FOXN3: variants seen among roughly 807,000 people sequenced by gnomAD.
FOXN3 encodes forkhead box N3.
A neutral mutation model predicts 38.4 loss-of-function variants in FOXN3; 7 were observed. That is an observed-to-expected ratio of 0.18 (90% CI 0.10 to 0.34). The LOEUF (loss-of-function observed/expected upper bound fraction) is 0.34, where lower values mean the gene tolerates loss of function less well. FOXN3 is among the 10% of genes least tolerant of loss of function. FOXN3 has a pLI of 1.00. For synonymous variants in FOXN3, 230 were observed against 242.2 expected, an observed-to-expected ratio of 0.95 and a Z score of 0.47; for missense variants, 456 against 613.4, an observed-to-expected ratio of 0.74 and a Z score of 2.71.
At chr14:89,465,685 T>C (rs938171988) in intron 1 of FOXN3, among the ~76,000 whole-genome samples, 1 of 152,240 alleles carries the variant, frequency 6.6e-6, no homozygotes, top group African/African-American at 2.4e-5. Context: ...TGTGATCTAA[T>C]ACCTCCAACT....
Position 89,512,609 on chromosome 14 carries a change from G to A in FOXN3, c.-14-100119C>T, listed in dbSNP as rs141361950. 2.2e-3 allele frequency among the ~76,000 whole-genome samples: 342 copies of A among 152,360 alleles called. 3 individuals carry two copies. Among genetic ancestry groups the A allele is most frequent in the African/African-American group, 7.9e-3 (330 of 41,590 alleles). On this transcript the variant is annotated intron_variant, in intron 1 of 6. Coordinates refer to the FOXN3 transcript ENST00000345097. ...AAGAATGTTCTCCTCTTCCCGGTAC[G>A]GGGAGGCCATCTTTCTCATGGAGAA...
At chr14:89,365,743 T>C (rs1476396092) in intron 2 of FOXN3, among the ~76,000 whole-genome samples, 1 of 152,204 alleles carries the variant, frequency 6.6e-6, no homozygotes, top group Non-Finnish European at 1.5e-5. Flanking sequence ...AAGCGGATCG[T>C]TTTATATACT....
chr14:89,282,038 C>G (rs944590629), intron 3 of FOXN3, among the ~76,000 whole-genome samples: 4 of 152,088 alleles, frequency 2.6e-5, no homozygotes, highest in Non-Finnish European at 4.4e-5. Context: ...ACCAGGGTCT[C>G]TAGTTATCTA....
At position 89,213,559 on chromosome 14, in the gene FOXN3, T is replaced by C. The variant is rs144437231; in HGVS notation, c.746-32753A>G. On this transcript the variant is annotated intron_variant, in intron 4 of 5. Coordinates refer to ENST00000557258, the MANE Select transcript of FOXN3 (RefSeq NM_005197.4). Reference sequence around the variant, plus strand: ...AAAACCCTACCTTAAGGATGGCTGATTCCATTGTTTCTTGCACCTTATCAT... The same window carrying C: ...AAAACCCTACCTTAAGGATGGCTGACTCCATTGTTTCTTGCACCTTATCAT... Among the ~76,000 whole-genome samples, 779 of 152,380 alleles carry C rather than the reference T, an allele frequency of 5.1e-3. 5 individuals are homozygous for C. The highest frequency in any genetic ancestry group is 0.018 in the African/African-American group (733 of 41,594).
intron 1 of FOXN3, among the ~76,000 whole-genome samples, chr14:89,501,784 G>A (rs1310572623): frequency 1.3e-5 from 2 of 152,106 alleles, no homozygotes; most frequent in East Asian, 1.9e-4. Flanking sequence ...GGAGGCAGAG[G>A]TGGCAGTGAG....
chr14:89,304,207 G>A (rs1887304927), intron 3 of FOXN3, among the ~76,000 whole-genome samples: 1 of 152,198 alleles, frequency 6.6e-6, no homozygotes, highest in Non-Finnish European at 1.5e-5. Context: ...TGATGCTGAA[G>A]TAGTTCAGCT....
chr14:89,234,142 A>T (rs757629183), intron 4 of FOXN3, among the ~76,000 whole-genome samples: 1 of 152,240 alleles, frequency 6.6e-6, no homozygotes, highest in Non-Finnish European at 1.5e-5. Flanking sequence ...AAGACTAAGG[A>T]GAACCCAACG....
At chr14:89,197,106 T>C (rs1003664851) in intron 4 of FOXN3, among the ~76,000 whole-genome samples, 5 of 152,206 alleles carry the variant, frequency 3.3e-5, no homozygotes, top group Non-Finnish European at 7.3e-5. Flanking sequence ...TGAGGGGTCT[T>C]ATAGGATGAT....
intron 2 of FOXN3, among the ~76,000 whole-genome samples, chr14:89,356,729 T>C (rs573943395): frequency 6.6e-6 from 1 of 152,228 alleles, no homozygotes; most frequent in Admixed American, 6.5e-5. Context: ...TGGTGCCTAC[T>C]ACATGCCAGG....
chr14:89,339,200 C>T (rs1888546294), intron 3 of FOXN3, among the ~76,000 whole-genome samples: 1 of 152,144 alleles, frequency 6.6e-6, no homozygotes, highest in African/African-American at 2.4e-5. Context: ...TCTCAAACCC[C>T]TGACCTCAGG....
chr14:89,425,884 G>C (rs917936184), intron 1 of FOXN3, among the ~76,000 whole-genome samples: 16 of 152,038 alleles, frequency 1.1e-4, no homozygotes, highest in African/African-American at 3.6e-4. Context: ...TTCCATTTAA[G>C]AAGCTTTTTG....
intron 1 of FOXN3, among the ~76,000 whole-genome samples, chr14:89,415,993 CA>C (rs1891703364): frequency 6.6e-6 from 1 of 152,074 alleles, no homozygotes. Flanking sequence ...AGAAGGTCTC[CA>C]AATAACTGAC....
Position 89,548,446 on chromosome 14 carries a change from C to T in FOXN3, c.-15+70582G>A, listed in dbSNP as rs749058381. Reference sequence around the variant, plus strand: ...GGTAACAGAGACGGAAAAATCAAAGCGGTAGATAATTTAAAAATTATTCAT... The same window carrying T: ...GGTAACAGAGACGGAAAAATCAAAGTGGTAGATAATTTAAAAATTATTCAT... On this transcript the variant is annotated intron_variant, in intron 1 of 6. Transcript: ENST00000345097. The surrounding 1 kb of genome is among the most constrained non-coding windows in gnomAD (Gnocchi z 4.8). Among the ~76,000 whole-genome samples the T allele has an allele frequency of 1.3e-5, 2 of 152,102 alleles. No individual in the cohort carries two copies. The highest frequency in any genetic ancestry group is 2.4e-5 in the African/African-American group (1 of 41,406).
At chr14:89,231,604 C>T (rs754656214) in intron 4 of FOXN3, among the ~76,000 whole-genome samples, 17 of 152,036 alleles carry the variant, frequency 1.1e-4, no homozygotes, top group East Asian at 3.8e-4. Flanking sequence ...TCTGTTACAG[C>T]GGGATGTGGG....
intron 3 of FOXN3, among the ~76,000 whole-genome samples, chr14:89,294,603 G>T (rs533794293): frequency 6.6e-6 from 1 of 152,080 alleles, no homozygotes; most frequent in Non-Finnish European, 1.5e-5. Flanking sequence ...AAGACCTTGC[G>T]GATAAAACAG....
intron 1 of FOXN3, among the ~76,000 whole-genome samples, chr14:89,595,144 G>A (rs1001439012): frequency 6.0e-5 from 9 of 149,780 alleles, no homozygotes; most frequent in East Asian, 5.9e-4. Flanking sequence ...GTGAAACCCC[G>A]TCTCTACTAA....
chr14:89,501,892 G>T (rs1893808701), intron 1 of FOXN3, among the ~76,000 whole-genome samples: 2 of 151,884 alleles, frequency 1.3e-5, no homozygotes, highest in African/African-American at 4.8e-5. Context: ...ACGGCCAGGT[G>T]CGATGGCTCA....
intron 1 of FOXN3, among the ~76,000 whole-genome samples, chr14:89,460,120 C>A (rs1483965773): frequency 6.6e-6 from 1 of 152,148 alleles, no homozygotes; most frequent in African/African-American, 2.4e-5. Context: ...AAGCAAGGAG[C>A]TTCTTTTTCT....
chr14:89,281,123 A>G, intron 3 of FOXN3, 109 bp from the exon 4 acceptor site: 1 of 947,336 alleles, frequency 1.1e-6, no homozygotes. Flanking sequence ...CATTACTGAC[A>G]CCCTTTGAAA....
Sources: allele counts gnomAD v4.1 joint callset (sites outside exome capture counted in the v4.1 genomes callset), GRCh38; gene constraint gnomAD v4.1.1; non-coding constraint Gnocchi (gnomAD v3.1); transcripts MANE v1.5; gene names NCBI Gene and HGNC (gene_info 2026-07-23, HGNC 2026-07-21).